Variants in PLEC observed in about 807,000 individuals in gnomAD.
PLEC encodes hemidesmosomal protein 1.
In PLEC, 216 loss-of-function variants were observed where a neutral mutation model predicts 392.8. The ratio of observed to expected loss-of-function variants is 0.55; its 90% CI spans 0.49 to 0.62. The LOEUF (loss-of-function observed/expected upper bound fraction) is 0.62, where lower values mean the gene tolerates loss of function less well. Ranked by LOEUF, PLEC falls within the 20% of genes least tolerant of loss-of-function variation. The probability of loss-of-function intolerance (pLI) is 0.00; values close to 1 mark genes in which losing one functional copy is unlikely to be tolerated. For synonymous variants in PLEC, 3,621 were observed against 2,980.6 expected (o/e 1.21, Z -7.00); for missense variants, 6,863 against 6,563.4 (o/e 1.05, Z -1.58).
At chr8:143,941,274 G>A (rs556473010), upstream of PLEC, among the ~76,000 whole-genome samples, 15 of 152,320 alleles carry the variant, frequency 9.8e-5, no homozygotes, top group Non-Finnish European at 2.2e-4. Flanking sequence ...AGCCAGGGAG[G>A]TGGGCACAGG....
rs1211780185 is a variant in PLEC at position 143,969,174 on chromosome 8, C to A, written c.70+4229G>T. Among the ~76,000 whole-genome samples the A allele has an allele frequency of 6.6e-6, 1 of 152,180 alleles. No homozygotes were observed. The highest frequency in any genetic ancestry group is 2.4e-5 in the African/African-American group (1 of 41,442). ...TTCCACACCACGGAACCGACTCCAG[C>A]GGGGGGAGGGTGAGGTGCTGATGGC... On this transcript the variant is annotated intron_variant, in intron 1 of 31. Transcript: ENST00000356346. This position sits in a 1 kb window ranked among gnomAD's most constrained non-coding sequence, Gnocchi z 5.1.
At chr8:143,936,315 G>A (rs904267437) in intron 5 of PLEC, among the ~76,000 whole-genome samples, 2 of 152,202 alleles carry the variant, frequency 1.3e-5, no homozygotes, top group Admixed American at 6.5e-5. Flanking sequence ...TAGCTGGGGA[G>A]GGCTAGGCTG....
chr8:143,942,842 G>A (rs953586911), upstream of PLEC, among the ~76,000 whole-genome samples: 3 of 152,250 alleles, frequency 2.0e-5, no homozygotes, highest in African/African-American at 7.2e-5. Flanking sequence ...AGGAAGGCAG[G>A]GCATGGGGCC....
Position 143,934,449 on chromosome 8 carries a change from T to C in PLEC, c.1042-4A>G, listed in dbSNP as rs112966803. On this transcript the variant is annotated splice_polypyrimidine_tract_variant and splice_region_variant and intron_variant, in intron 10 of 31. Transcript: ENST00000345136. Reference sequence around the variant, plus strand: ...GCTGGCCTGCTTGCACCGCTCCCTGTAGACAGGGGCCACACTCAGGCCCTA... The same window carrying C: ...GCTGGCCTGCTTGCACCGCTCCCTGCAGACAGGGGCCACACTCAGGCCCTA... 471 of 1,610,934 alleles carry C rather than the reference T, an allele frequency of 2.9e-4. 3 individuals are homozygous for C. In the African/African-American group the frequency reaches 5.3e-3, roughly 18 times the overall value.
chr8:143,954,068 ACTCC>A, upstream of PLEC: 1 of 548,032 alleles, frequency 1.8e-6, no homozygotes, highest in South Asian at 2.7e-5. This position sits in a 1 kb window ranked among gnomAD's most constrained non-coding sequence, Gnocchi z 4.6. Context: ...CGGACGGCCC[ACTCC>A]CCAGCTCCGC....
chr8:143,930,095 G>A, intron 21 of PLEC, 33 bp from the exon 22 acceptor site: 2 of 1,604,316 alleles, frequency 1.2e-6, no homozygotes, highest in Non-Finnish European at 1.7e-6. Flanking sequence ...AGCGTCACCA[G>A]CGCCCCACCC....
intron 1 of PLEC, chr8:143,944,732 CGGA>C: frequency 7.9e-7 from 1 of 1,264,134 alleles, no homozygotes; most frequent in Non-Finnish European, 1.0e-6. Flanking sequence ...ACAGGCCCCT[CGGA>C]GGAGGCACAA....
chr8:143,930,064 TG>T lies in PLEC; in HGVS notation c.2613-3del. 6.2e-7 allele frequency: 1 copy of T among 1,610,280 alleles called. No homozygotes were observed. Among genetic ancestry groups the T allele is most frequent in the Non-Finnish European group, 8.5e-7 (1 of 1,179,760 alleles). Reference sequence around the variant, plus strand: ...AGGGCCTGGTGCTGGGCCTCCAGCCTGGCAGGTCAGGGCTACAGTCAGCGTC... The same window carrying T: ...AGGGCCTGGTGCTGGGCCTCCAGCCTGCAGGTCAGGGCTACAGTCAGCGTC... On this transcript the variant is annotated splice_region_variant and splice_polypyrimidine_tract_variant and intron_variant, in intron 21 of 31. Transcript: ENST00000345136.
Position 143,924,634 on chromosome 8 carries a change from C to T in PLEC, c.5295G>A (p.Glu1765=). ...AELAKVRAEM[E]VLLASKARAE... ...CCCTCGCCTTGCTGGCCAGCAGCAC[C>T]TCCATCTCGGCCCGCACCTTGGCCA... The change falls in exon 31 of 32, where the codon GAG becomes GAA. Residue 1765 remains glutamate (E), a synonymous_variant. Transcript: ENST00000345136. The T allele has an allele frequency of 3.2e-6, 5 of 1,538,860 alleles. No individual in the cohort carries two copies. The highest frequency in any genetic ancestry group is 4.4e-6 in the Non-Finnish European group (5 of 1,148,544).
At chr8:143,928,826 C>T (rs964494015) in intron 25 of PLEC, among the ~76,000 whole-genome samples, 1 of 152,186 alleles carries the variant, frequency 6.6e-6, no homozygotes, top group Non-Finnish European at 1.5e-5. Context: ...AGCTTCCCCA[C>T]CTCACTCAGC....
rs145557751 is a variant in PLEC at position 143,967,532 on chromosome 8, T to A, written c.70+5871A>T. Among the ~76,000 whole-genome samples the A allele has an allele frequency of 2.3e-4, 35 of 152,262 alleles. 1 individual carries two copies. The East Asian group carries it at 6.8e-3, about 29-fold the overall frequency. Reference sequence around the variant, plus strand: ...GCTGCCCACAGGCAACTTCGAAGTTTACGCCGAATACAAGTGTCCCTCGGT... The same window carrying A: ...GCTGCCCACAGGCAACTTCGAAGTTAACGCCGAATACAAGTGTCCCTCGGT... On this transcript the variant is annotated intron_variant, in intron 1 of 31. Transcript: ENST00000356346.
In PLEC at chr8:143,918,277, G is replaced by A. The variant is rs782496485; in HGVS notation, c.11544C>T (p.Asp3848=). 45 of 1,593,174 alleles carry A rather than the reference G, an allele frequency of 2.8e-5. 1 individual carries two copies. The Admixed American group carries it at 7.2e-4, about 26-fold the overall frequency. ...SEPSEVRSYV[D]PSTDERLSYT... ...AGCTGAGGCGCTCGTCGGTGGACGG[G>A]TCCACGTAGCTGCGCACCTCGCTGG... The change falls in exon 32 of 32, where the codon GAC becomes GAT. Residue 3848 remains aspartate, a synonymous_variant. Coordinates refer to ENST00000345136, the MANE Select transcript of PLEC (RefSeq NM_201384.3).
chr8:143,968,623 G>A (rs1354029571), intron 1 of PLEC, among the ~76,000 whole-genome samples: 2 of 151,640 alleles, frequency 1.3e-5, no homozygotes, highest in Non-Finnish European at 2.9e-5. Context: ...ATAAAGGACT[G>A]GCATCTAGAA....
chr8:143,931,787 G>T, intron 18 of PLEC, 128 bp from the exon 19 acceptor site: 1 of 1,480,732 alleles, frequency 6.8e-7, no homozygotes, highest in African/African-American at 1.4e-5. Context: ...GGCCTGGGGA[G>T]CACCCCTGTC....
intron 1 of PLEC, chr8:143,944,764 G>A (rs1587317835): frequency 4.8e-6 from 6 of 1,239,682 alleles, no homozygotes; most frequent in African/African-American, 1.5e-5. Context: ...CGGCAGCGTC[G>A]GGTGGGAGGA....
chr8:143,928,328 C>A (rs1825969743), intron 25 of PLEC, among the ~76,000 whole-genome samples: 1 of 152,282 alleles, frequency 6.6e-6, no homozygotes, highest in African/African-American at 2.4e-5. Context: ...AAGCGTAGTT[C>A]TCAGCCCTTG....
rs1554726923 is a variant in PLEC, at chr8:143,939,540, G to T, written c.-79C>A. On this transcript the variant is annotated 5_prime_UTR_variant, in exon 1 of 32. In the 5' UTR this introduces an upstream ATG that the reference lacks. Transcript: ENST00000345136. ...GGCAGCCCCGTGTGGCACACAGGCAGCTGAAGGCTGGCGGCCCCACGAGAC... is the reference window on the plus strand; with the variant it reads ...GGCAGCCCCGTGTGGCACACAGGCATCTGAAGGCTGGCGGCCCCACGAGAC... 1 of 1,544,736 alleles carries T rather than the reference G, an allele frequency of 6.5e-7. No homozygotes were observed. Among genetic ancestry groups the T allele is most frequent in the African/African-American group, 1.4e-5 (1 of 73,246 alleles).
rs781983706 is a variant in PLEC at position 143,923,512 on chromosome 8, G to A, written c.6417C>T (p.Arg2139=). ...AQAQAAAEKL[R]KEAEQEAARR... Reference sequence around the variant, plus strand: ...GCGCCGCCTCTTGCTCGGCCTCCTTGCGCAGCTTCTCTGCAGCCGCCTGTG... The same window carrying A: ...GCGCCGCCTCTTGCTCGGCCTCCTTACGCAGCTTCTCTGCAGCCGCCTGTG... Residue 2139 remains arginine, a synonymous_variant, in exon 31 of 32, where the codon CGC becomes CGT. Coordinates refer to ENST00000345136, the MANE Select transcript of PLEC (RefSeq NM_201384.3). 32 of 1,593,250 alleles carry A rather than the reference G, an allele frequency of 2.0e-5. No homozygotes were observed. Among genetic ancestry groups the A allele is most frequent in the Middle Eastern group, 1.7e-4 (1 of 5,998 alleles).
At chr8:143,937,368 C>T in intron 3 of PLEC, 126 bp from the exon 4 acceptor site, 1 of 719,770 alleles carries the variant, frequency 1.4e-6, no homozygotes, top group South Asian at 1.6e-5. Flanking sequence ...CCCCTCATCC[C>T]AGGTTCACCC....
Sources: allele counts gnomAD v4.1 joint callset (sites outside exome capture counted in the v4.1 genomes callset), GRCh38; gene constraint gnomAD v4.1.1; non-coding constraint Gnocchi (gnomAD v3.1); transcripts MANE v1.5; gene names NCBI Gene and HGNC (gene_info 2026-07-23, HGNC 2026-07-21).